The following RELN variants were observed in gnomAD, a reference collection of about 807,000 sequenced individuals.
RELN encodes the protein reelin.
Under a neutral mutation model 427.6 loss-of-function variants are expected in RELN, and 108 were observed. That is an observed-to-expected ratio of 0.25 (90% confidence interval 0.22 to 0.30). RELN has a LOEUF of 0.30. RELN is among the 10% of genes least tolerant of loss of function. RELN has a pLI of 1.00. For missense variants in RELN, 3,715 were observed against 4,302.8 expected, an observed-to-expected ratio of 0.86 and a Z score of 3.82; for synonymous variants, 1,524 against 1,513.4, an observed-to-expected ratio of 1.01 and a Z score of -0.16.
At chr7:103,753,035 A>C (rs1484749117) in intron 5 of RELN, 147 bp downstream of exon 5, 1 of 798,158 alleles carries the variant, frequency 1.3e-6, no homozygotes, top group Admixed American at 1.9e-5. Flanking sequence ...TTCAAGTATA[A>C]TCCGTACCCA....
chr7:103,979,136 A>G (rs1241681226), intron 1 of RELN, among the ~76,000 whole-genome samples: 2 of 152,228 alleles, frequency 1.3e-5, no homozygotes, highest in African/African-American at 4.8e-5. Context: ...ACCCTCTGAG[A>G]ACCTCTGTAG....
At chr7:103,627,107 GAAC>G (rs1832345210) in intron 20 of RELN, among the ~76,000 whole-genome samples, 1 of 151,936 alleles carries the variant, frequency 6.6e-6, no homozygotes, top group African/African-American at 2.4e-5. Flanking sequence ...AGAACCAAAT[GAAC>G]AACCAGCTGA....
chr7:103,535,191 A>T, intron 46 of RELN, 125 bp downstream of exon 46: 1 of 858,370 alleles, frequency 1.2e-6, no homozygotes, highest in African/African-American at 1.7e-5. Context: ...TAATTCATAC[A>T]TGGCAATACC....
chr7:103,754,538 T>C (rs904902068), intron 4 of RELN, among the ~76,000 whole-genome samples: 5 of 151,968 alleles, frequency 3.3e-5, no homozygotes, highest in South Asian at 2.1e-4. Flanking sequence ...TTTGGGAGAC[T>C]GAGGCAAGAG....
intron 2 of RELN, among the ~76,000 whole-genome samples, chr7:103,873,091 G>A (rs1305807813): frequency 6.6e-6 from 1 of 151,672 alleles, no homozygotes; most frequent in Non-Finnish European, 1.5e-5. Context: ...TGAACAACCT[G>A]CTCCTGAATG....
chr7:103,764,393 G>C (rs1338514858), intron 4 of RELN, among the ~76,000 whole-genome samples: 3 of 152,158 alleles, frequency 2.0e-5, no homozygotes, highest in Non-Finnish European at 4.4e-5. Flanking sequence ...AAGTGCCAGA[G>C]CAGAAATTCT....
chr7:103,733,590 C>G (rs2115966188), intron 6 of RELN, among the ~76,000 whole-genome samples: 1 of 145,670 alleles, frequency 6.9e-6, no homozygotes, highest in South Asian at 2.3e-4. Context: ...CACATATACA[C>G]CATGGAATAC....
At chr7:103,894,664 C>A (rs1362415425) in intron 2 of RELN, among the ~76,000 whole-genome samples, 1 of 152,124 alleles carries the variant, frequency 6.6e-6, no homozygotes, top group Non-Finnish European at 1.5e-5. Flanking sequence ...CGATTTCGTG[C>A]ACTCAAGTCC....
chr7:103,573,990 A>C lies in RELN; in HGVS notation c.4511+102T>G. On this transcript the variant is annotated intron_variant, in intron 30 of 64. Transcript: ENST00000428762. This position sits in a 1 kb window ranked among gnomAD's most constrained non-coding sequence, Gnocchi z 4.4. ...ATCATAATCTATATACAGAAACATT[A>C]TTGTATATATTCCCAATAACAGAAC... 1.1e-6 allele frequency: 1 copy of C among 915,060 alleles called. No homozygotes were observed. The highest frequency in any genetic ancestry group is 1.4e-5 in the South Asian group (1 of 73,814). The allele number at this position is 915,060 out of a possible 1,614,324, so 56.7% of individuals were successfully genotyped here.
At chr7:103,642,803 G>T (rs1832720712) in intron 16 of RELN, among the ~76,000 whole-genome samples, 1 of 152,038 alleles carries the variant, frequency 6.6e-6, no homozygotes. Context: ...CTTAAAAAGT[G>T]TGACAGCAAG....
chr7:103,938,385 A>C (rs1796033717), intron 1 of RELN, among the ~76,000 whole-genome samples: 1 of 152,208 alleles, frequency 6.6e-6, no homozygotes, highest in African/African-American at 2.4e-5. Context: ...ATATACCTCT[A>C]AAGACTGAGA....
At chr7:103,986,123 G>C (rs1047317072) in intron 1 of RELN, among the ~76,000 whole-genome samples, 2 of 152,108 alleles carry the variant, frequency 1.3e-5, no homozygotes, top group African/African-American at 4.8e-5. Flanking sequence ...GATGTATAGA[G>C]ACCTCCTTTC....
rs941281656 is a variant in RELN at position 103,872,685 on chromosome 7, G to A, written c.338-39013C>T. On this transcript the variant is annotated intron_variant, in intron 2 of 64. Coordinates refer to ENST00000428762, the MANE Select transcript of RELN (RefSeq NM_005045.4). Reference sequence around the variant, plus strand: ...ACTAGTTTACAGTCCCACCAACAGTGTAAAAGTGTTCCTATTTCTCCACAT... The same window carrying A: ...ACTAGTTTACAGTCCCACCAACAGTATAAAAGTGTTCCTATTTCTCCACAT... Among the ~76,000 whole-genome samples, 37 of 146,660 alleles carry A rather than the reference G, an allele frequency of 2.5e-4. 2 individuals carry two copies. The highest frequency in any genetic ancestry group is 8.3e-4 in the African/African-American group (34 of 40,798).
chr7:103,904,635 C>T (rs1563081370), intron 2 of RELN, among the ~76,000 whole-genome samples: 1 of 152,088 alleles, frequency 6.6e-6, no homozygotes, highest in Non-Finnish European at 1.5e-5. Context: ...GGATGAGTCT[C>T]ATGTGGAATG....
chr7:103,686,528 G>A (rs1833767379), intron 10 of RELN, among the ~76,000 whole-genome samples: 1 of 151,504 alleles, frequency 6.6e-6, no homozygotes, highest in South Asian at 2.1e-4. Context: ...GAGATATGAG[G>A]AACACAGGAA....
intron 2 of RELN, among the ~76,000 whole-genome samples, chr7:103,913,356 T>A (rs915612601): frequency 2.0e-5 from 3 of 152,192 alleles, no homozygotes; most frequent in Admixed American, 6.6e-5. Flanking sequence ...TACTCTGCCT[T>A]ATTTGTCACA....
At chr7:103,839,266 T>G (rs1046447593) in intron 2 of RELN, among the ~76,000 whole-genome samples, 4 of 150,718 alleles carry the variant, frequency 2.7e-5, no homozygotes, top group South Asian at 4.2e-4. Flanking sequence ...GACCTTTCTA[T>G]GCAACTTCAA....
chr7:103,939,562 C>A (rs1285491675), intron 1 of RELN, among the ~76,000 whole-genome samples: 1 of 152,158 alleles, frequency 6.6e-6, no homozygotes, highest in Non-Finnish European at 1.5e-5. Context: ...TATAACCATT[C>A]TTTGTGTACT....
chr7:103,988,045 C>T lies in RELN; in HGVS notation c.226+1086G>A, dbSNP rs930505113. Among the ~76,000 whole-genome samples, 7 of 152,068 alleles carry T rather than the reference C, an allele frequency of 4.6e-5. No individual in the cohort carries two copies. Among genetic ancestry groups the T allele is most frequent in the African/African-American group, 1.4e-4 (6 of 41,386 alleles). Reference sequence around the variant, plus strand: ...CCCCGTAGATTATCTCCCGCCATGCCAATGATTGTTAGCCTATTAGAGATA... The same window carrying T: ...CCCCGTAGATTATCTCCCGCCATGCTAATGATTGTTAGCCTATTAGAGATA... On this transcript the variant is annotated intron_variant, in intron 1 of 64. Coordinates refer to ENST00000428762, the MANE Select transcript of RELN (RefSeq NM_005045.4). This position sits in a 1 kb window ranked among gnomAD's most constrained non-coding sequence, Gnocchi z 4.9.
Sources: allele counts gnomAD v4.1 joint callset (sites outside exome capture counted in the v4.1 genomes callset), GRCh38; gene constraint gnomAD v4.1.1; non-coding constraint Gnocchi (gnomAD v3.1); transcripts MANE v1.5; gene names NCBI Gene and HGNC (gene_info 2026-07-23, HGNC 2026-07-21).